EAF2: variants seen among roughly 807,000 people sequenced by gnomAD.
The protein encoded by EAF2 is ELL associated factor 2, also known as ELL-associated factor 2.
Under a neutral mutation model 29.4 loss-of-function variants are expected in EAF2, and 29 were observed. That is an observed-to-expected ratio of 0.99 (90% CI 0.73 to 1.35). EAF2 has a LOEUF of 1.35. Ranked by LOEUF, EAF2 falls within the 40% of genes most tolerant of loss-of-function variation. EAF2 has a pLI of 0.00. For missense variants in EAF2, 292 were observed against 312.0 expected (o/e 0.94, Z 0.48); for synonymous variants, 103 against 102.5 (o/e 1.00, Z -0.03).
intron 4 of EAF2, among the ~76,000 whole-genome samples, chr3:121,861,366 C>T (rs569047335): frequency 3.9e-5 from 6 of 152,274 alleles, no homozygotes; most frequent in African/African-American, 1.4e-4. Flanking sequence ...GTACTGGGTG[C>T]ATATATATTT....
At chr3:121,881,685 T>C (rs1709193277) in intron 5 of EAF2, among the ~76,000 whole-genome samples, 1 of 151,980 alleles carries the variant, frequency 6.6e-6, no homozygotes, top group South Asian at 2.1e-4. Context: ...AATTTTTTTG[T>C]ATTTTAGTAG....
intron 1 of EAF2, among the ~76,000 whole-genome samples, chr3:121,839,055 G>C (rs919879705): frequency 1.3e-5 from 2 of 152,038 alleles, no homozygotes; most frequent in African/African-American, 2.4e-5. Flanking sequence ...ATATTGTAAA[G>C]AAAAAAATCA....
intron 2 of EAF2, among the ~76,000 whole-genome samples, chr3:121,849,365 G>A (rs1708587242): frequency 6.6e-6 from 1 of 152,146 alleles, no homozygotes; most frequent in African/African-American, 2.4e-5. Flanking sequence ...TGGTTAAATA[G>A]TGGGCATTTA....
At chr3:121,858,163 A>G (rs954397509) in intron 4 of EAF2, among the ~76,000 whole-genome samples, 7 of 152,240 alleles carry the variant, frequency 4.6e-5, no homozygotes, top group Admixed American at 4.6e-4. Flanking sequence ...AGCATGATTT[A>G]TAATCCTTCG....
intron 1 of EAF2, among the ~76,000 whole-genome samples, chr3:121,839,369 G>T (rs529764062): frequency 6.6e-6 from 1 of 152,226 alleles, no homozygotes. Context: ...GACTGCCTGG[G>T]TTACCCTGCT....
intron 4 of EAF2, among the ~76,000 whole-genome samples, chr3:121,870,425 G>C (rs1708991688): frequency 6.6e-6 from 1 of 152,088 alleles, no homozygotes; most frequent in African/African-American, 2.4e-5. Flanking sequence ...AAACAAATAA[G>C]TATCCAAATG....
intron 4 of EAF2, among the ~76,000 whole-genome samples, chr3:121,860,435 C>A (rs6797558): frequency 3.2e-4 from 49 of 152,004 alleles, no homozygotes; most frequent in Middle Eastern, 3.4e-3. Flanking sequence ...CATTTCTTCT[C>A]GATTTTCTAG....
chr3:121,844,026 T>G (rs1162872676), intron 1 of EAF2, among the ~76,000 whole-genome samples: 1 of 152,096 alleles, frequency 6.6e-6, no homozygotes, highest in Non-Finnish European at 1.5e-5. Flanking sequence ...GGGCCAACAT[T>G]CATGAACTAA....
chr3:121,862,505 C>T (rs142597884), intron 4 of EAF2, among the ~76,000 whole-genome samples: 120 of 152,292 alleles, frequency 7.9e-4, no homozygotes, highest in East Asian at 2.3e-3. Context: ...TCTCGTGCCA[C>T]GGTTTTCAGC....
intron 4 of EAF2, among the ~76,000 whole-genome samples, chr3:121,871,326 GAATAGA>G (rs1709009343): frequency 7.9e-6 from 1 of 126,580 alleles, no homozygotes. Flanking sequence ...AAGAATAGAC[GAATAGA>G]CAAAAATCTT....
intron 1 of EAF2, among the ~76,000 whole-genome samples, chr3:121,843,715 T>G (rs901644098): frequency 3.3e-5 from 5 of 152,144 alleles, no homozygotes; most frequent in Admixed American, 6.5e-5. Context: ...TACCCTGAAT[T>G]TCCTCCTAGA....
intron 4 of EAF2, among the ~76,000 whole-genome samples, chr3:121,870,598 A>G (rs904956282): frequency 6.6e-6 from 1 of 152,154 alleles, no homozygotes; most frequent in African/African-American, 2.4e-5. Context: ...AATGAAATGA[A>G]AAGCCTAGCT....
chr3:121,881,901 A>G (rs888220484), intron 5 of EAF2, among the ~76,000 whole-genome samples: 17 of 152,150 alleles, frequency 1.1e-4, no homozygotes, highest in African/African-American at 3.9e-4. Flanking sequence ...CCAAATCACA[A>G]CCAAATAAGG....
chr3:121,869,950 G>A (rs1344784899), intron 4 of EAF2, among the ~76,000 whole-genome samples: 1 of 152,074 alleles, frequency 6.6e-6, no homozygotes, highest in Non-Finnish European at 1.5e-5. Context: ...TAGAGGAAAT[G>A]GACTAGTTCC....
intron 4 of EAF2, among the ~76,000 whole-genome samples, chr3:121,871,946 G>C (rs1305623508): frequency 2.0e-5 from 3 of 151,694 alleles, no homozygotes; most frequent in Non-Finnish European, 4.4e-5. Context: ...TGTGTATCTA[G>C]AACTTGAAAA....
chr3:121,883,021 T>G (rs1709217796), intron 5 of EAF2, among the ~76,000 whole-genome samples: 1 of 152,100 alleles, frequency 6.6e-6, no homozygotes, highest in Non-Finnish European at 1.5e-5. Context: ...AGCATTAATT[T>G]AATTTAATAT....
At chr3:121,840,068 C>T (rs1037789085) in intron 1 of EAF2, among the ~76,000 whole-genome samples, 2 of 151,254 alleles carry the variant, frequency 1.3e-5, no homozygotes, top group African/African-American at 4.9e-5. Flanking sequence ...GGCGGGAGCC[C>T]GTAATCCAGC....
rs151186324 is a variant in EAF2 at position 121,835,362 on chromosome 3, A to G, written c.77A>G (p.Gln26Arg). The G allele has an allele frequency of 1.1e-4, 179 of 1,614,078 alleles. No individual in the cohort carries two copies. The African/African-American group carries it at 2.2e-3, about 20-fold the overall frequency. Residue 26 changes from glutamine (Q) to arginine (R), a missense_variant, in exon 1 of 6, where the codon CAG becomes CGG. Coordinates refer to ENST00000273668, the MANE Select transcript of EAF2 (RefSeq NM_018456.6). ...AAGTTAGGGGAGAGTTTCGAGAAGC[A>G]GCCGCGCTGCGCCTTCCACACTGTG... ...VLKLGESFEKQPRCAFHTVRY... is the reference protein window; with the variant it reads ...VLKLGESFEKRPRCAFHTVRY...
intron 2 of EAF2, 116 bp downstream of exon 2, chr3:121,844,663 G>A: frequency 1.7e-6 from 1 of 592,094 alleles, no homozygotes; most frequent in Non-Finnish European, 2.7e-6. Context: ...AGTAAGCACA[G>A]ATAAGCAAAA....
Sources: allele counts gnomAD v4.1 joint callset (sites outside exome capture counted in the v4.1 genomes callset), GRCh38; gene constraint gnomAD v4.1.1; transcripts MANE v1.5; gene names NCBI Gene and HGNC (gene_info 2026-07-23, HGNC 2026-07-21).